The following NEGR1 variants were observed in gnomAD, a reference collection of about 807,000 sequenced individuals.
NEGR1 encodes neuronal growth regulator 1, also known as IgLON family member 4.
NEGR1 carries 10 observed loss-of-function variants against 40.9 expected under a neutral mutation model. The ratio of observed to expected loss-of-function variants is 0.24; its 90% CI spans 0.15 to 0.42. The LOEUF is 0.42. Ranked by LOEUF, NEGR1 falls within the 10% of genes least tolerant of loss-of-function variation. NEGR1 has a pLI of 1.00. For missense variants in NEGR1, 352 were observed against 438.9 expected, an observed-to-expected ratio of 0.80 and a Z score of 1.77; for synonymous variants, 185 against 166.8, an observed-to-expected ratio of 1.11 and a Z score of -0.84.
At chr1:71,947,000 G>T (rs1216335872) in intron 1 of NEGR1, among the ~76,000 whole-genome samples, 1 of 150,448 alleles carries the variant, frequency 6.6e-6, no homozygotes, top group East Asian at 1.9e-4. Flanking sequence ...AGGATGGCTT[G>T]AGTCTTGAGT....
intron 1 of NEGR1, among the ~76,000 whole-genome samples, chr1:72,162,960 T>C (rs1458333309): frequency 6.6e-6 from 1 of 152,164 alleles, no homozygotes; most frequent in African/African-American, 2.4e-5. Context: ...AAGGTAGGAA[T>C]GCTGTGTTCT....
intron 3 of NEGR1, among the ~76,000 whole-genome samples, chr1:71,720,242 T>C (rs1450183152): frequency 6.6e-6 from 1 of 152,138 alleles, no homozygotes; most frequent in Non-Finnish European, 1.5e-5. Context: ...CTGATAGGAA[T>C]CCATTGGTTC....
chr1:71,762,037 G>T (rs1655962084), intron 3 of NEGR1, among the ~76,000 whole-genome samples: 2 of 151,988 alleles, frequency 1.3e-5, no homozygotes, highest in South Asian at 4.1e-4. Context: ...TTTAAATGGG[G>T]TAAAGGAATG....
chr1:72,014,714 T>C (rs1402398529), intron 1 of NEGR1, among the ~76,000 whole-genome samples: 1 of 152,064 alleles, frequency 6.6e-6, no homozygotes, highest in East Asian at 1.9e-4. Context: ...AAGGCAATAT[T>C]AACATATATT....
intron 1 of NEGR1, among the ~76,000 whole-genome samples, chr1:72,256,898 T>C (rs1188413500): frequency 1.3e-5 from 2 of 152,198 alleles, no homozygotes; most frequent in African/African-American, 4.8e-5. Context: ...ACTTGGAATG[T>C]GCATATAAAA....
At chr1:71,654,907 T>C (rs898725890) in intron 4 of NEGR1, among the ~76,000 whole-genome samples, 4 of 152,120 alleles carry the variant, frequency 2.6e-5, no homozygotes, top group Admixed American at 1.3e-4. Context: ...CCTGGATAAA[T>C]AGTGATTAAA....
chr1:71,591,227 G>T (rs1278205114), intron 6 of NEGR1, among the ~76,000 whole-genome samples: 1 of 152,112 alleles, frequency 6.6e-6, no homozygotes, highest in East Asian at 1.9e-4. Context: ...CAAGTCAATG[G>T]CAGAGAGAGA....
chr1:72,011,112 T>G (rs1157659303), intron 1 of NEGR1, among the ~76,000 whole-genome samples: 1 of 152,168 alleles, frequency 6.6e-6, no homozygotes, highest in Non-Finnish European at 1.5e-5. Context: ...TTATCTAATA[T>G]AGTACCCTCT....
In NEGR1 at chr1:72,190,594, A is replaced by G. The variant is rs540041074; in HGVS notation, c.176+91725T>C. 2.6e-5 allele frequency among the ~76,000 whole-genome samples: 4 copies of G among 151,786 alleles called. No individual in the cohort carries two copies. The South Asian group carries it at 6.2e-4, about 24-fold the overall frequency. ...AATTTTACTTTCTGTCAACAAAGAA[A>G]TGGTATTCCTAAACATATACTTCAA... On this transcript the variant is annotated intron_variant, in intron 1 of 6. Coordinates refer to ENST00000357731, the MANE Select transcript of NEGR1 (RefSeq NM_173808.3).
intron 6 of NEGR1, among the ~76,000 whole-genome samples, chr1:71,438,391 T>A (rs1646524007): frequency 1.3e-5 from 2 of 152,202 alleles, no homozygotes; most frequent in African/African-American, 4.8e-5. Flanking sequence ...ATGTGATGAA[T>A]CCCAGAATCT....
intron 5 of NEGR1, among the ~76,000 whole-genome samples, chr1:71,603,029 T>A (rs1447430773): frequency 6.6e-6 from 1 of 152,170 alleles, no homozygotes; most frequent in Non-Finnish European, 1.5e-5. Flanking sequence ...ATAAATAAAA[T>A]AATAAACAAC....
chr1:71,520,654 A>C (rs186592301), intron 6 of NEGR1, among the ~76,000 whole-genome samples: 11 of 152,184 alleles, frequency 7.2e-5, no homozygotes, highest in Non-Finnish European at 1.0e-4. Flanking sequence ...TAAAGGGAAG[A>C]TTGATGTCCC....
At chr1:72,230,509 G>T (rs1426001670) in intron 1 of NEGR1, among the ~76,000 whole-genome samples, 5 of 152,022 alleles carry the variant, frequency 3.3e-5, no homozygotes, top group Non-Finnish European at 7.4e-5. Context: ...ATTACAAACA[G>T]AAAACTAGAC....
chr1:72,080,315 C>T (rs1647941534), intron 1 of NEGR1, among the ~76,000 whole-genome samples: 1 of 151,896 alleles, frequency 6.6e-6, no homozygotes, highest in Non-Finnish European at 1.5e-5. Context: ...TACAAGCATC[C>T]AGATAGTTTC....
chr1:72,208,310 T>A (rs532322386), intron 1 of NEGR1, among the ~76,000 whole-genome samples: 1 of 151,870 alleles, frequency 6.6e-6, no homozygotes, highest in South Asian at 2.1e-4. Flanking sequence ...TCAGAGCAAC[T>A]ATACCATTAG....
intron 6 of NEGR1, among the ~76,000 whole-genome samples, chr1:71,563,891 G>C (rs1481895838): frequency 6.6e-6 from 1 of 151,700 alleles, no homozygotes; most frequent in African/African-American, 2.4e-5. Context: ...ATGATACACT[G>C]TTGGTGTCCT....
At chr1:71,572,367 C>T (rs555330247) in intron 6 of NEGR1, among the ~76,000 whole-genome samples, 26 of 152,268 alleles carry the variant, frequency 1.7e-4, no homozygotes, top group East Asian at 1.5e-3. Context: ...ATCAAGACCA[C>T]GTCATTATCA....
chr1:72,052,709 T>G (rs921457964), intron 1 of NEGR1, among the ~76,000 whole-genome samples: 1 of 151,544 alleles, frequency 6.6e-6, no homozygotes, highest in Non-Finnish European at 1.5e-5. Context: ...TTTTTACTTG[T>G]TTTTTGAATT....
chr1:71,793,282 G>T (rs367636012), intron 2 of NEGR1, among the ~76,000 whole-genome samples: 1 of 2,736 alleles, frequency 3.7e-4, no homozygotes, highest in African/African-American at 3.3e-3. Context: ...ATATATATTT[G>T]TATTTTTAGT....
Sources: allele counts gnomAD v4.1 joint callset (sites outside exome capture counted in the v4.1 genomes callset), GRCh38; gene constraint gnomAD v4.1.1; transcripts MANE v1.5; gene names NCBI Gene and HGNC (gene_info 2026-07-23, HGNC 2026-07-21).